Variants in TASP1 observed in about 807,000 individuals in gnomAD.
TASP1 encodes the protein taspase 1.
Under a neutral mutation model 56.6 loss-of-function variants are expected in TASP1, and 16 were observed. The observed-to-expected ratio is 0.28, with a 90% confidence interval of 0.19 to 0.43. The LOEUF (loss-of-function observed/expected upper bound fraction) is 0.43, where lower values mean the gene tolerates loss of function less well. Ranked by LOEUF, TASP1 falls within the 20% of genes least tolerant of loss-of-function variation. The probability of loss-of-function intolerance (pLI) is 1.00; values close to 1 mark genes in which losing one functional copy is unlikely to be tolerated. For synonymous variants in TASP1, 179 were observed against 184.2 expected (o/e 0.97, Z 0.23); for missense variants, 393 against 511.6 (o/e 0.77, Z 2.24).
At chr20:13,165,465 A>C in the TASP1 span, 2 of 152,206 alleles carry the variant, frequency 1.3e-5, no homozygotes, top group Non-Finnish European at 2.9e-5. Context: ...AGCAGAACTG[A>C]TCAACTGCGA....
At chr20:13,357,610 C>G in the TASP1 span, among the ~76,000 whole-genome samples, 9 of 152,060 alleles carry the variant, frequency 5.9e-5, no homozygotes, top group Non-Finnish European at 1.0e-4. Context: ...CTTATATACA[C>G]GTAAAATACC....
chr20:13,241,314 A>G, the TASP1 span, among the ~76,000 whole-genome samples: 1 of 152,168 alleles, frequency 6.6e-6, no homozygotes, highest in South Asian at 2.1e-4. Flanking sequence ...AAAAGGGGAG[A>G]TATATGAACA....
intron 13 of TASP1, among the ~76,000 whole-genome samples, chr20:13,413,148 T>C (rs1018327956): frequency 6.6e-6 from 1 of 152,272 alleles, no homozygotes. Flanking sequence ...ACAGAAATCC[T>C]GGCACGACCT....
At chr20:13,561,998 A>C (rs184402575) in intron 7 of TASP1, among the ~76,000 whole-genome samples, 1 of 152,334 alleles carries the variant, frequency 6.6e-6, no homozygotes, top group African/African-American at 2.4e-5. Context: ...CATTCTTCTC[A>C]AGTTCACTTG....
chr20:13,210,958 C>T, the TASP1 span, among the ~76,000 whole-genome samples: 9 of 152,066 alleles, frequency 5.9e-5, no homozygotes, highest in East Asian at 1.9e-4. Context: ...TAGGCCAAGC[C>T]GACATTCTCC....
chr20:13,355,313 G>C, the TASP1 span, among the ~76,000 whole-genome samples: 1 of 152,126 alleles, frequency 6.6e-6, no homozygotes, highest in Non-Finnish European at 1.5e-5. Flanking sequence ...TGGTTCCTGG[G>C]ATATAGATCA....
At chr20:13,128,871 A>ATT in the TASP1 span, among the ~76,000 whole-genome samples, 4 of 114,218 alleles carry the variant, frequency 3.5e-5, no homozygotes, top group South Asian at 2.9e-4. Context: ...TGCCCAGCTA[A>ATT]TTTTTTTTTT....
intron 11 of TASP1, among the ~76,000 whole-genome samples, chr20:13,438,435 G>C (rs1342313384): frequency 1.3e-5 from 2 of 152,160 alleles, no homozygotes; most frequent in African/African-American, 4.8e-5. Flanking sequence ...ATGGTGCTGG[G>C]AAAACTGGCT....
rs530652112 is a variant in TASP1 at position 13,478,380 on chromosome 20, C to T, written c.985+4847G>A. 4.6e-5 allele frequency among the ~76,000 whole-genome samples: 7 copies of T among 150,724 alleles called. No individual in the cohort carries two copies. The East Asian group carries it at 1.2e-3, about 25-fold the overall frequency. Reference sequence around the variant, plus strand: ...ACACACACACACACACACACGAATACTATTCAGCCACAAAAAAGAATGAAA... The same window carrying T: ...ACACACACACACACACACACGAATATTATTCAGCCACAAAAAAGAATGAAA... On this transcript the variant is annotated intron_variant, in intron 11 of 13. Transcript: ENST00000337743.
chr20:13,587,709 A>G (rs1473235652), intron 4 of TASP1, among the ~76,000 whole-genome samples: 4 of 151,878 alleles, frequency 2.6e-5, no homozygotes, highest in South Asian at 2.1e-4. Flanking sequence ...AAATACAGGG[A>G]AAAAAACATG....
chr20:13,500,132 A>G (rs1290680562), intron 10 of TASP1, among the ~76,000 whole-genome samples: 4 of 151,554 alleles, frequency 2.6e-5, no homozygotes, highest in Admixed American at 2.0e-4. Context: ...GGACCTATAA[A>G]AACAAAAATA....
At chr20:13,157,470 G>A in the TASP1 span, among the ~76,000 whole-genome samples, 1 of 152,040 alleles carries the variant, frequency 6.6e-6, no homozygotes, top group Non-Finnish European at 1.5e-5. Context: ...ACTCACACAG[G>A]TTGTAGGCAG....
At position 13,432,968 on chromosome 20, in the gene TASP1, G is replaced by A. The variant is rs1343642676; in HGVS notation, c.1096+2076C>T. On this transcript the variant is annotated intron_variant, in intron 12 of 13. Coordinates refer to ENST00000337743, the MANE Select transcript of TASP1 (RefSeq NM_017714.3). ...CAAACACTAGGGGTTATTCTTCTGA[G>A]GTTTTTTGTTTGTTTGTTTTACTAT... Among the ~76,000 whole-genome samples, 3 of 152,024 alleles carry A rather than the reference G, an allele frequency of 2.0e-5. No homozygotes were observed. The East Asian group carries it at 5.8e-4, about 29-fold the overall frequency.
At chr20:13,340,746 A>G in the TASP1 span, among the ~76,000 whole-genome samples, 25,768 of 152,156 alleles carry the variant, frequency 0.17, 2,943 homozygotes, top group African/African-American at 0.32. Context: ...TTTGCAGAAG[A>G]TCAAATACAT....
chr20:13,185,649 A>T, the TASP1 span, among the ~76,000 whole-genome samples: 1 of 152,178 alleles, frequency 6.6e-6, no homozygotes, highest in Admixed American at 6.5e-5. Context: ...ATGACAATGG[A>T]ATTCTCTCTA....
At chr20:13,412,805 T>C (rs1194616815) in intron 13 of TASP1, among the ~76,000 whole-genome samples, 1 of 152,232 alleles carries the variant, frequency 6.6e-6, no homozygotes. Flanking sequence ...TATTTGTTTA[T>C]GTAATCTGGA....
intron 11 of TASP1, among the ~76,000 whole-genome samples, chr20:13,467,890 C>T (rs909220052): frequency 1.3e-4 from 20 of 152,060 alleles, no homozygotes; most frequent in African/African-American, 3.6e-4. Flanking sequence ...GTGGTGGGCA[C>T]CTGTAATCCC....
At chr20:13,344,996 T>C in the TASP1 span, among the ~76,000 whole-genome samples, 8 of 152,118 alleles carry the variant, frequency 5.3e-5, no homozygotes, top group Non-Finnish European at 8.8e-5. Flanking sequence ...GCATGTCCAG[T>C]TAAACTGCTC....
the TASP1 span, chr20:13,166,798 T>A: frequency 1.3e-5 from 2 of 152,210 alleles, no homozygotes; most frequent in African/African-American, 4.8e-5. Context: ...CACCTTCACA[T>A]CTACACTTCA....
Sources: gnomAD v4.1 joint callset for allele counts (sites outside exome capture counted in the v4.1 genomes callset) on GRCh38, gnomAD v4.1.1 for gene constraint, MANE v1.5 for transcripts, NCBI Gene and HGNC (gene_info 2026-07-23, HGNC 2026-07-21) for gene names.